The following GRM7 variants were observed in gnomAD, a reference collection of about 807,000 sequenced individuals.
GRM7 encodes the protein metabotropic glutamate receptor 7.
Under a neutral mutation model 84.5 loss-of-function variants are expected in GRM7, and 35 were observed. The observed-to-expected ratio is 0.41, with a 90% confidence interval of 0.32 to 0.55. GRM7 has a LOEUF of 0.55. GRM7 is among the 20% of genes least tolerant of loss of function. The pLI, the probability that GRM7 is intolerant of heterozygous loss-of-function variation, is 0.19. For missense variants in GRM7, 1,003 were observed against 1,194.6 expected (o/e 0.84, Z 2.36); for synonymous variants, 487 against 455.1 (o/e 1.07, Z -0.89).
rs372392671 is a variant in GRM7 at position 7,349,973 on chromosome 3, T to C, written c.1033+43321T>C. Among the ~76,000 whole-genome samples the C allele has an allele frequency of 3.7e-4, 56 of 152,210 alleles. 1 individual carries two copies. The South Asian group carries it at 8.9e-3, about 24-fold the overall frequency. On this transcript the variant is annotated intron_variant, in intron 4 of 9. Coordinates refer to ENST00000357716, the MANE Select transcript of GRM7 (RefSeq NM_000844.4). ...TTTCTCTAGCACCGCTTTTGAATCA[T>C]CTTGTAGTTTTCCAGAGCATATTTT...
chr3:7,708,568 T>C lies in GRM7; in HGVS notation c.2698+28273T>C, dbSNP rs564539359. On this transcript the variant is annotated intron_variant, in intron 9 of 9. Coordinates refer to ENST00000357716, the MANE Select transcript of GRM7 (RefSeq NM_000844.4). ...ATAAAGTATAAGGTGCATTTAACTT[T>C]ATACAGGTACAGGGACAGGAAGGTA... Among the ~76,000 whole-genome samples, 3 of 152,276 alleles carry C rather than the reference T, an allele frequency of 2.0e-5. No individual in the cohort carries two copies. In the South Asian group the frequency reaches 6.2e-4, roughly 32 times the overall value.
At chr3:7,324,822 A>G (rs932250164) in intron 4 of GRM7, among the ~76,000 whole-genome samples, 1 of 152,034 alleles carries the variant, frequency 6.6e-6, no homozygotes, top group Non-Finnish European at 1.5e-5. Context: ...AATCTCCAAT[A>G]TCAGCAAATT....
At chr3:7,004,257 C>A (rs1189859452) in intron 1 of GRM7, among the ~76,000 whole-genome samples, 1 of 152,078 alleles carries the variant, frequency 6.6e-6, no homozygotes, top group African/African-American at 2.4e-5. Context: ...ATTTTAGAGG[C>A]TGGCAACCAT....
At chr3:6,882,188 C>G (rs949833432) in intron 1 of GRM7, among the ~76,000 whole-genome samples, 4 of 152,030 alleles carry the variant, frequency 2.6e-5, no homozygotes, top group African/African-American at 9.7e-5. Context: ...ACAACTTTTA[C>G]CAATTCCAAA....
intron 1 of GRM7, among the ~76,000 whole-genome samples, chr3:6,947,830 G>C (rs1698148979): frequency 1.3e-5 from 2 of 152,158 alleles, no homozygotes; most frequent in Admixed American, 1.3e-4. Context: ...AGATTTTCTA[G>C]TTTATTTGTG....
chr3:7,398,825 C>T (rs567411309), intron 4 of GRM7, among the ~76,000 whole-genome samples: 1 of 152,088 alleles, frequency 6.6e-6, no homozygotes, highest in Non-Finnish European at 1.5e-5. Flanking sequence ...GGTCCCATGG[C>T]CATGAAGCCA....
At chr3:6,982,169 A>C (rs1222914977) in intron 1 of GRM7, among the ~76,000 whole-genome samples, 5 of 152,184 alleles carry the variant, frequency 3.3e-5, no homozygotes, top group Admixed American at 3.3e-4. Context: ...GCTGGAGGTC[A>C]TTGTCCTAAG....
intron 1 of GRM7, among the ~76,000 whole-genome samples, chr3:6,943,315 G>T (rs886427552): frequency 4.0e-5 from 6 of 151,540 alleles, no homozygotes; most frequent in African/African-American, 1.5e-4. Flanking sequence ...TCTATGTTTT[G>T]ATTTAGATGT....
chr3:7,534,536 G>T (rs1181775709), intron 7 of GRM7, among the ~76,000 whole-genome samples: 2 of 152,104 alleles, frequency 1.3e-5, no homozygotes, highest in African/African-American at 4.8e-5. Context: ...TTTCTTAGAT[G>T]AGGAAACTAA....
chr3:7,696,552 G>A (rs1575644683), intron 9 of GRM7, among the ~76,000 whole-genome samples: 1 of 152,158 alleles, frequency 6.6e-6, no homozygotes, highest in Non-Finnish European at 1.5e-5. Context: ...AAATATTCAA[G>A]GATATGAACA....
intron 4 of GRM7, among the ~76,000 whole-genome samples, chr3:7,320,719 T>TGTGTGCGCGCGC (rs910693056): frequency 1.3e-5 from 2 of 151,232 alleles, no homozygotes; most frequent in African/African-American, 4.9e-5. Context: ...TGTGTGTGTG[T>TGTGTGCGCGCGC]GCAACTTCTT....
intron 9 of GRM7, among the ~76,000 whole-genome samples, chr3:7,711,740 G>A (rs1188226269): frequency 1.3e-5 from 2 of 152,258 alleles, no homozygotes; most frequent in South Asian, 2.1e-4. Flanking sequence ...TGTTACACAC[G>A]CGGCACCATT....
At chr3:7,237,353 A>G (rs146553928) in intron 2 of GRM7, among the ~76,000 whole-genome samples, 3 of 152,088 alleles carry the variant, frequency 2.0e-5, no homozygotes, top group Non-Finnish European at 2.9e-5. Context: ...ATTATTTTTT[A>G]TATCCCTTGC....
At chr3:7,375,810 C>G (rs1004919774) in intron 4 of GRM7, among the ~76,000 whole-genome samples, 1 of 152,154 alleles carries the variant, frequency 6.6e-6, no homozygotes, top group African/African-American at 2.4e-5. Flanking sequence ...ATGTCCTTGC[C>G]TATGACTTCC....
At chr3:7,116,857 C>G (rs1257921650) in intron 1 of GRM7, among the ~76,000 whole-genome samples, 1 of 152,100 alleles carries the variant, frequency 6.6e-6, no homozygotes, top group Admixed American at 6.6e-5. Flanking sequence ...AATGAGTTCT[C>G]TCTCAGTGTT....
chr3:7,146,754 C>G, intron 2 of GRM7, 86 bp downstream of exon 2: 1 of 861,750 alleles, frequency 1.2e-6, no homozygotes, highest in Non-Finnish European at 1.9e-6. Flanking sequence ...TAAATAAACA[C>G]TACAGACTCT....
At chr3:7,314,169 C>G (rs1387664684) in intron 4 of GRM7, among the ~76,000 whole-genome samples, 1 of 152,050 alleles carries the variant, frequency 6.6e-6, no homozygotes, top group Non-Finnish European at 1.5e-5. Context: ...AGCTTAAAAT[C>G]TTGAATTTCA....
intron 1 of GRM7, among the ~76,000 whole-genome samples, chr3:6,890,419 C>T (rs1383000414): frequency 6.6e-6 from 1 of 152,084 alleles, no homozygotes; most frequent in Non-Finnish European, 1.5e-5. Flanking sequence ...CCCAGAGATT[C>T]TGGTATGTTG....
intron 2 of GRM7, among the ~76,000 whole-genome samples, chr3:7,198,610 C>T (rs1267790885): frequency 6.6e-6 from 1 of 152,136 alleles, no homozygotes; most frequent in Non-Finnish European, 1.5e-5. Flanking sequence ...TAAACATGCT[C>T]AGAACACTTA....
Sources: gnomAD v4.1 joint callset for allele counts (sites outside exome capture counted in the v4.1 genomes callset) on GRCh38, gnomAD v4.1.1 for gene constraint, MANE v1.5 for transcripts, NCBI Gene and HGNC (gene_info 2026-07-23, HGNC 2026-07-21) for gene names.